The following PRKN variants were observed in gnomAD, a reference collection of about 807,000 sequenced individuals.
The protein encoded by PRKN is parkin RBR E3 ubiquitin protein ligase, also known as E3 ubiquitin-protein ligase parkin.
A neutral mutation model predicts 59.5 loss-of-function variants in PRKN; 56 were observed. That is an observed-to-expected ratio of 0.94 (90% CI 0.76 to 1.18). The LOEUF is 1.18. PRKN is among the 50% of genes most tolerant of loss of function. The pLI is 0.00. For synonymous variants in PRKN, 250 were observed against 222.1 expected (o/e 1.13, Z -1.12); for missense variants, 657 against 596.4 (o/e 1.10, Z -1.06).
At chr6:161,979,772 T>A (rs974762624) in intron 5 of PRKN, among the ~76,000 whole-genome samples, 1 of 152,030 alleles carries the variant, frequency 6.6e-6, no homozygotes, top group Non-Finnish European at 1.5e-5. Flanking sequence ...ATCAGACCCA[T>A]ACAAATCAAA....
intron 2 of PRKN, among the ~76,000 whole-genome samples, chr6:162,391,120 C>G (rs1295309949): frequency 6.6e-6 from 1 of 152,300 alleles, no homozygotes; most frequent in East Asian, 1.9e-4. Flanking sequence ...TGTTGAAATA[C>G]TTATTTCAAG....
intron 2 of PRKN, among the ~76,000 whole-genome samples, chr6:162,335,684 C>T (rs536048458): frequency 1.3e-5 from 2 of 152,198 alleles, no homozygotes; most frequent in East Asian, 1.9e-4. Flanking sequence ...ATAATTACAT[C>T]AAACTGCTCT....
At chr6:161,826,600 G>A (rs759051731) in intron 6 of PRKN, among the ~76,000 whole-genome samples, 4 of 152,162 alleles carry the variant, frequency 2.6e-5, no homozygotes, top group East Asian at 1.9e-4. Flanking sequence ...CATCTCAGAC[G>A]CAGGACAAGC....
At chr6:161,821,075 T>A (rs2128216135) in intron 6 of PRKN, among the ~76,000 whole-genome samples, 1 of 152,250 alleles carries the variant, frequency 6.6e-6, no homozygotes, top group Non-Finnish European at 1.5e-5. Flanking sequence ...TAGCAGTGAA[T>A]GACTATGTGT....
intron 7 of PRKN, among the ~76,000 whole-genome samples, chr6:161,731,023 G>T (rs771161213): frequency 6.9e-6 from 1 of 145,958 alleles, no homozygotes; most frequent in Non-Finnish European, 1.5e-5. Context: ...TGCTGCATTC[G>T]TTCTGATATC....
chr6:162,645,613 G>GA (rs1228536131), intron 1 of PRKN, among the ~76,000 whole-genome samples: 6 of 150,730 alleles, frequency 4.0e-5, no homozygotes, highest in South Asian at 4.2e-4. Context: ...TGCTAAGGAA[G>GA]AAAAAAAAAG....
chr6:161,397,385 G>A lies in PRKN; in HGVS notation c.1084-10508C>T, dbSNP rs1419396221. 6.6e-6 allele frequency among the ~76,000 whole-genome samples: 1 copy of A among 152,230 alleles called. No homozygotes were observed. Among genetic ancestry groups the A allele is most frequent in the Non-Finnish European group, 1.5e-5 (1 of 68,050 alleles). On this transcript the variant is annotated intron_variant, in intron 9 of 11. Transcript: ENST00000366898. The surrounding 1 kb of genome is among the most constrained non-coding windows in gnomAD (Gnocchi z 4.2). ...TTGTGTAAGTCTTAAGGGTCCCATA[G>A]AAGAGATCCAGGCGGGTTGAGGTCA...
intron 1 of PRKN, among the ~76,000 whole-genome samples, chr6:162,611,145 A>G (rs1782129563): frequency 6.6e-6 from 1 of 152,228 alleles, no homozygotes; most frequent in South Asian, 2.1e-4. Context: ...GTAAATAAAT[A>G]TTAAAGACTG....
rs564312903 is a variant in PRKN at position 162,572,516 on chromosome 6, G to T, written c.8-129043C>A. Among the ~76,000 whole-genome samples, 23 of 152,266 alleles carry T rather than the reference G, an allele frequency of 1.5e-4. 1 individual carries two copies. In the Middle Eastern group the frequency reaches 0.014, roughly 90 times the overall value. On this transcript the variant is annotated intron_variant, in intron 1 of 11. Transcript: ENST00000366898. ...AGCATCCGAATTACTATCCTGATGG[G>T]CCAGGTGTAGACAGACATCCTTAAG...
intron 1 of PRKN, among the ~76,000 whole-genome samples, chr6:162,531,203 C>T (rs866299118): frequency 4.3e-4 from 65 of 151,798 alleles, no homozygotes; most frequent in Admixed American, 2.6e-3. Flanking sequence ...ACTAAACATA[C>T]AAAAATTAGC....
chr6:162,710,874 T>TA (rs757695524), intron 1 of PRKN, among the ~76,000 whole-genome samples: 41 of 152,194 alleles, frequency 2.7e-4, no homozygotes, highest in Non-Finnish European at 2.1e-4. Flanking sequence ...GGGAAGGGCC[T>TA]AAGAGGCCTT....
intron 4 of PRKN, among the ~76,000 whole-genome samples, chr6:162,150,637 A>T (rs1231268210): frequency 6.6e-6 from 1 of 152,232 alleles, no homozygotes; most frequent in African/African-American, 2.4e-5. Context: ...ACAAAGGCTC[A>T]TTAACCTCTA....
chr6:162,193,506 T>G (rs1156402357), intron 4 of PRKN, among the ~76,000 whole-genome samples: 1 of 152,122 alleles, frequency 6.6e-6, no homozygotes, highest in Non-Finnish European at 1.5e-5. Context: ...ATCCTCTTCT[T>G]CTCTTAACTA....
intron 7 of PRKN, among the ~76,000 whole-genome samples, chr6:161,676,595 T>G (rs1261902494): frequency 6.6e-6 from 1 of 152,240 alleles, no homozygotes; most frequent in Non-Finnish European, 1.5e-5. Flanking sequence ...GGGCTCCTTT[T>G]GTGCTGCGAC....
At chr6:162,107,736 G>C (rs1026479471) in intron 4 of PRKN, among the ~76,000 whole-genome samples, 4 of 152,146 alleles carry the variant, frequency 2.6e-5, no homozygotes, top group African/African-American at 9.7e-5. Flanking sequence ...GCATAGTTGT[G>C]TATGAAGTTA....
chr6:161,523,687 A>G (rs1163505264), intron 9 of PRKN, among the ~76,000 whole-genome samples: 1 of 152,212 alleles, frequency 6.6e-6, no homozygotes, highest in Admixed American at 6.5e-5. Context: ...TCTTTCCCCT[A>G]TCTCATGTGT....
intron 1 of PRKN, among the ~76,000 whole-genome samples, chr6:162,630,113 C>T (rs993556271): frequency 1.3e-5 from 2 of 152,096 alleles, no homozygotes; most frequent in Admixed American, 6.6e-5. Flanking sequence ...CCATACTTTT[C>T]GAATCAAACA....
chr6:161,505,306 G>T (rs1261117557), intron 9 of PRKN, among the ~76,000 whole-genome samples: 4 of 151,572 alleles, frequency 2.6e-5, no homozygotes, highest in Non-Finnish European at 5.9e-5. Context: ...TGTGTTTTTT[G>T]GCTGCATAAA....
At chr6:162,195,092 A>C (rs1359206515) in intron 4 of PRKN, among the ~76,000 whole-genome samples, 1 of 152,166 alleles carries the variant, frequency 6.6e-6, no homozygotes, top group Non-Finnish European at 1.5e-5. Flanking sequence ...ATCCACACAG[A>C]AACCAGCTTC....
Sources: gnomAD v4.1 joint callset for allele counts (sites outside exome capture counted in the v4.1 genomes callset) on GRCh38, gnomAD v4.1.1 for gene constraint, Gnocchi (gnomAD v3.1) non-coding constraint, MANE v1.5 for transcripts, NCBI Gene and HGNC (gene_info 2026-07-23, HGNC 2026-07-21) for gene names.